ACSL4: variants seen among roughly 807,000 people sequenced by gnomAD.
ACSL4 encodes long-chain-fatty-acid--CoA ligase 4.
A neutral mutation model predicts 49.1 loss-of-function variants in ACSL4; 9 were observed. The ratio of observed to expected loss-of-function variants is 0.18; its 90% confidence interval spans 0.11 to 0.32. The LOEUF (loss-of-function observed/expected upper bound fraction) is 0.32, where lower values mean the gene tolerates loss of function less well. Ranked by LOEUF, ACSL4 falls within the 10% of genes least tolerant of loss-of-function variation. The pLI, the probability that ACSL4 is intolerant of heterozygous loss-of-function variation, is 1.00. For missense variants in ACSL4, 333 were observed against 493.7 expected, an observed-to-expected ratio of 0.67 and a Z score of 3.08; for synonymous variants, 191 against 170.3, an observed-to-expected ratio of 1.12 and a Z score of -0.95.
chrX:109,688,509 A>G (rs773681893), intron 2 of ACSL4, among the ~76,000 whole-genome samples: 15 of 110,805 alleles, frequency 1.4e-4, no homozygotes, highest in Non-Finnish European at 2.5e-4. Context: ...TTTATTTTCT[A>G]TCTCTTTGGC....
intron 1 of ACSL4, among the ~76,000 whole-genome samples, chrX:109,713,798 C>T (rs1176300774): frequency 8.9e-6 from 1 of 111,785 alleles, no homozygotes; most frequent in Admixed American, 9.5e-5. Flanking sequence ...GAATAAACTA[C>T]AGTCATGAAC....
At chrX:109,678,136 T>G in intron 7 of ACSL4, 25 bp from the exon 8 acceptor site, 1 of 1,210,730 alleles carries the variant, frequency 8.3e-7, no homozygotes, top group Non-Finnish European at 1.1e-6. Flanking sequence ...GAGAAATATT[T>G]TAACCATTCT....
chrX:109,645,141 TGG>T (rs1934609879), intron 15 of ACSL4, among the ~76,000 whole-genome samples: 2 of 112,954 alleles, frequency 1.8e-5, no homozygotes, highest in African/African-American at 6.4e-5. Context: ...ACAAAGCAGC[TGG>T]GAAGCTCCAA....
At chrX:109,732,778 GCAC>G in intron 1 of ACSL4, among the ~76,000 whole-genome samples, 1 of 111,580 alleles carries the variant, frequency 9.0e-6, no homozygotes, top group Non-Finnish European at 1.9e-5. Flanking sequence ...GGTCTAGCAA[GCAC>G]TTCATGGTCT....
chrX:109,678,151 A>G (rs763921493), intron 7 of ACSL4, 40 bp from the exon 8 acceptor site: 74 of 1,205,710 alleles, frequency 6.1e-5, no homozygotes, highest in Non-Finnish European at 8.3e-5. Flanking sequence ...CATTCTTGAA[A>G]AGGCATTTGA....
intron 1 of ACSL4, among the ~76,000 whole-genome samples, chrX:109,725,490 C>T (rs1368202792): frequency 9.0e-6 from 1 of 111,390 alleles, no homozygotes; most frequent in Non-Finnish European, 1.9e-5. Context: ...ATGGCTGGTG[C>T]GGTGGCTCAC....
intron 1 of ACSL4, among the ~76,000 whole-genome samples, chrX:109,720,538 T>C (rs1175779852): frequency 9.0e-6 from 1 of 111,688 alleles, no homozygotes; most frequent in Admixed American, 9.6e-5. Context: ...CATACTTAGG[T>C]CAGTTATTTT....
rs1048340171 is a variant in ACSL4 at position 109,718,481 on chromosome X, G to A, written c.-66+14658C>T. 6.2e-5 allele frequency among the ~76,000 whole-genome samples: 7 copies of A among 112,476 alleles called. No homozygotes were observed. In the East Asian group the frequency reaches 8.3e-4, roughly 13 times the overall value. ...TAAGAAATCCCATAGTCAGCCAGGC[G>A]CAGTGGCTTACTCATGTAATCCCAA... On this transcript the variant is annotated intron_variant, in intron 1 of 15. Coordinates refer to ENST00000672401, the MANE Select transcript of ACSL4 (RefSeq NM_001318510.2).
intron 1 of ACSL4, among the ~76,000 whole-genome samples, chrX:109,718,190 T>C (rs767365795): frequency 8.9e-6 from 1 of 112,538 alleles, no homozygotes; most frequent in South Asian, 3.6e-4. Flanking sequence ...GGACAAATAA[T>C]ATGACCTTAA....
chrX:109,660,631 G>A (rs150301562), intron 14 of ACSL4, among the ~76,000 whole-genome samples: 24 of 111,548 alleles, frequency 2.2e-4, no homozygotes, highest in African/African-American at 5.5e-4. Context: ...ATTTGCATAC[G>A]CATTTTCCTA....
chrX:109,696,284 G>A (rs1022578721), intron 1 of ACSL4, 88 bp from the exon 2 acceptor site: 1 of 112,055 alleles, frequency 8.9e-6, no homozygotes, highest in Non-Finnish European at 1.9e-5. Flanking sequence ...CACATTATCT[G>A]TGCACCTTAG....
chrX:109,671,006 C>T (rs1179298350), intron 9 of ACSL4, among the ~76,000 whole-genome samples: 1 of 112,558 alleles, frequency 8.9e-6, no homozygotes, highest in Non-Finnish European at 1.9e-5. Flanking sequence ...CTGCCTTGGC[C>T]TCCCAAAGTG....
Position 109,645,915 on chromosome X carries a change from G to C in ACSL4, c.1856-1729C>G, listed in dbSNP as rs976153441. ...GCCGATGCGATCAACTGGATGAAAG[G>C]CTATCAATGATGGAAGATGAAATGA... On this transcript the variant is annotated intron_variant, in intron 15 of 15. Transcript: ENST00000672401. Among the ~76,000 whole-genome samples, 25 of 112,221 alleles carry C rather than the reference G, an allele frequency of 2.2e-4. 1 individual carries two copies. The highest frequency in any genetic ancestry group is 5.6e-5 in the Non-Finnish European group (3 of 53,277).
intron 1 of ACSL4, among the ~76,000 whole-genome samples, chrX:109,700,006 G>A (rs897232104): frequency 1.9e-5 from 2 of 107,745 alleles, no homozygotes; most frequent in African/African-American, 3.4e-5. Context: ...TCACAAGGTC[G>A]AGAACAGCCT....
chrX:109,720,355 T>C (rs1477545012), intron 1 of ACSL4, among the ~76,000 whole-genome samples: 1 of 110,531 alleles, frequency 9.0e-6, no homozygotes, highest in South Asian at 3.8e-4. Flanking sequence ...CTACAAACAT[T>C]TAAATACTTA....
At chrX:109,704,028 A>G (rs777950371) in intron 1 of ACSL4, among the ~76,000 whole-genome samples, 6 of 111,470 alleles carry the variant, frequency 5.4e-5, no homozygotes, top group Admixed American at 9.6e-5. Context: ...GTAGTAAAAT[A>G]TATCTCCTTT....
intron 1 of ACSL4, among the ~76,000 whole-genome samples, chrX:109,717,328 CTACTAAAAATACAAAAAA>C (rs1446607403): frequency 4.5e-5 from 5 of 110,029 alleles, no homozygotes; most frequent in Admixed American, 9.8e-5. Context: ...AACCCCGTCT[CTACTAAAAATACAAAAAA>C]TTACCTGGGC....
intron 12 of ACSL4, among the ~76,000 whole-genome samples, chrX:109,664,884 T>C (rs1922504737): frequency 8.9e-6 from 1 of 112,143 alleles, no homozygotes; most frequent in African/African-American, 3.2e-5. Flanking sequence ...TGGTTGATAT[T>C]TGCCTTCAGC....
intron 1 of ACSL4, among the ~76,000 whole-genome samples, chrX:109,707,659 C>T (rs1003880963): frequency 1.5e-4 from 16 of 107,873 alleles, no homozygotes; most frequent in African/African-American, 5.4e-4. Flanking sequence ...TAGAGATTCA[C>T]ACAAAAAAAT....
Sources: gnomAD v4.1 joint callset for allele counts (sites outside exome capture counted in the v4.1 genomes callset) on GRCh38, gnomAD v4.1.1 for gene constraint, MANE v1.5 for transcripts, NCBI Gene and HGNC (gene_info 2026-07-23, HGNC 2026-07-21) for gene names.